The following DPP6 variants were observed in gnomAD, a reference collection of about 807,000 sequenced individuals.
The protein encoded by DPP6 is dipeptidyl peptidase like 6.
Under a neutral mutation model 122.6 loss-of-function variants are expected in DPP6, and 69 were observed. The observed-to-expected ratio is 0.56, with a 90% CI of 0.46 to 0.69. The LOEUF (loss-of-function observed/expected upper bound fraction) is 0.69, where lower values mean the gene tolerates loss of function less well. Among genes scored for constraint, DPP6 ranks in the 30% least tolerant of loss-of-function variants. The probability of loss-of-function intolerance (pLI) is 0.00; values close to 1 mark genes in which losing one functional copy is unlikely to be tolerated. For missense variants in DPP6, 928 were observed against 1,116.9 expected (o/e 0.83, Z 2.41); for synonymous variants, 418 against 433.1 (o/e 0.97, Z 0.43).
intron 1 of DPP6, among the ~76,000 whole-genome samples, chr7:154,430,897 TTCG>T (rs1351396365): frequency 6.5e-5 from 6 of 92,026 alleles, no homozygotes; most frequent in Non-Finnish European, 1.7e-4. Flanking sequence ...GAATGTTTCT[TTCG>T]TTAAGTTAAG....
At chr7:153,768,691 T>A in the DPP6 span, among the ~76,000 whole-genome samples, 1 of 152,200 alleles carries the variant, frequency 6.6e-6, no homozygotes, top group South Asian at 2.1e-4. Context: ...TTTAGCTCAG[T>A]TATCTGTCTT....
chr7:154,810,333 A>G (rs866060148), intron 16 of DPP6, among the ~76,000 whole-genome samples: 1 of 152,160 alleles, frequency 6.6e-6, no homozygotes, highest in South Asian at 2.1e-4. Context: ...ATCCATGGCC[A>G]TGGATTTAGG....
At chr7:154,386,568 G>A (rs566838477) in intron 1 of DPP6, among the ~76,000 whole-genome samples, 2 of 152,236 alleles carry the variant, frequency 1.3e-5, no homozygotes, top group African/African-American at 4.8e-5. Context: ...TCGGACTACT[G>A]CCATGTCAGC....
chr7:154,157,947 A>G (rs1412512456), intron 1 of DPP6, among the ~76,000 whole-genome samples: 2 of 149,012 alleles, frequency 1.3e-5, no homozygotes, highest in Non-Finnish European at 1.5e-5. Context: ...AAAAATATAT[A>G]CATATATATG....
At chr7:154,634,000 CT>C (rs57061045) in intron 5 of DPP6, among the ~76,000 whole-genome samples, 19,954 of 142,840 alleles carry the variant, frequency 0.14, 2,141 homozygotes, top group East Asian at 0.34. Flanking sequence ...TTCAGCCTTT[CT>C]TTTTTTTTTC....
intron 1 of DPP6, among the ~76,000 whole-genome samples, chr7:154,212,389 T>C (rs575771523): frequency 3.9e-5 from 6 of 152,260 alleles, no homozygotes; most frequent in African/African-American, 1.4e-4. Context: ...GAAAAATAAA[T>C]GAGGCTTCAG....
chr7:154,357,594 G>C (rs1237505783), intron 1 of DPP6, among the ~76,000 whole-genome samples: 1 of 152,134 alleles, frequency 6.6e-6, no homozygotes. Context: ...ATTTGAAAAT[G>C]TTCCATTTCT....
intron 1 of DPP6, among the ~76,000 whole-genome samples, chr7:153,976,915 G>A (rs1796334225): frequency 6.6e-6 from 1 of 152,150 alleles, no homozygotes; most frequent in South Asian, 2.1e-4. Context: ...GCTCAGCCTT[G>A]CCACGCGGCT....
At chr7:154,822,036 C>T (rs1380615422) in intron 16 of DPP6, among the ~76,000 whole-genome samples, 2 of 152,116 alleles carry the variant, frequency 1.3e-5, no homozygotes, top group African/African-American at 2.4e-5. Flanking sequence ...ATACAACCTC[C>T]GAGATTCAAC....
chr7:154,667,480 CA>C (rs1838236984), intron 6 of DPP6, among the ~76,000 whole-genome samples: 1 of 152,202 alleles, frequency 6.6e-6, no homozygotes, highest in African/African-American at 2.4e-5. Context: ...GTAATTCCAG[CA>C]CTTTGGGAGG....
the DPP6 span, among the ~76,000 whole-genome samples, chr7:153,783,943 G>A: frequency 6.6e-6 from 1 of 152,170 alleles, no homozygotes; most frequent in Non-Finnish European, 1.5e-5. Flanking sequence ...AGCTACATGT[G>A]GCAACATGGA....
chr7:154,495,666 A>C (rs1274888282), intron 3 of DPP6, among the ~76,000 whole-genome samples: 1 of 152,192 alleles, frequency 6.6e-6, no homozygotes, highest in African/African-American at 2.4e-5. Flanking sequence ...CTGGGATTAC[A>C]GGTGTGAGCC....
intron 3 of DPP6, among the ~76,000 whole-genome samples, chr7:154,521,811 C>T (rs1444011583): frequency 6.6e-6 from 1 of 152,288 alleles, no homozygotes; most frequent in South Asian, 2.1e-4. Flanking sequence ...TATCCACACA[C>T]GCTTACCCAT....
At chr7:153,770,312 A>C in the DPP6 span, among the ~76,000 whole-genome samples, 8 of 152,318 alleles carry the variant, frequency 5.3e-5, no homozygotes, top group African/African-American at 1.7e-4. Flanking sequence ...TCAGAGGAGA[A>C]GGGGCACTCC....
chr7:154,858,660 C>T (rs1184712068), intron 17 of DPP6, among the ~76,000 whole-genome samples: 1 of 152,216 alleles, frequency 6.6e-6, no homozygotes, highest in African/African-American at 2.4e-5. Context: ...GCTCCTCAGG[C>T]CCTGGTGGCT....
intron 1 of DPP6, among the ~76,000 whole-genome samples, chr7:154,224,228 C>T: frequency 6.7e-6 from 1 of 149,078 alleles, no homozygotes; most frequent in Middle Eastern, 3.4e-3. Context: ...ATGTGTGAGC[C>T]AGGAGAATAG....
chr7:154,176,833 T>G (rs980701822), intron 1 of DPP6, among the ~76,000 whole-genome samples: 7 of 152,134 alleles, frequency 4.6e-5, no homozygotes, highest in Non-Finnish European at 1.0e-4. Flanking sequence ...GAAATCATTT[T>G]TTTTTCTTTT....
chr7:153,890,865 T>A (rs936852341), intron 1 of DPP6, among the ~76,000 whole-genome samples: 16 of 149,332 alleles, frequency 1.1e-4, no homozygotes, highest in African/African-American at 3.7e-4. Context: ...CTTTTTTTTT[T>A]TTTTGCATTT....
intron 1 of DPP6, among the ~76,000 whole-genome samples, chr7:154,087,796 A>T (rs1446631033): frequency 1.3e-5 from 2 of 152,224 alleles, no homozygotes; most frequent in Admixed American, 6.5e-5. Context: ...GGTATTTATT[A>T]TCCAAAGCTA....
Sources: gnomAD v4.1 joint callset for allele counts (sites outside exome capture counted in the v4.1 genomes callset) on GRCh38, gnomAD v4.1.1 for gene constraint, MANE v1.5 for transcripts, NCBI Gene and HGNC (gene_info 2026-07-23, HGNC 2026-07-21) for gene names.